The following CNTN3 variants were observed in gnomAD, a reference collection of about 807,000 sequenced individuals.
CNTN3 encodes the protein contactin 3.
In CNTN3, 60 loss-of-function variants were observed where a neutral mutation model predicts 119.1. The observed-to-expected ratio is 0.50, with a 90% CI of 0.41 to 0.62. The LOEUF is 0.62. Among genes scored for constraint, CNTN3 ranks in the 20% least tolerant of loss-of-function variants. The pLI is 0.00. For synonymous variants in CNTN3, 450 were observed against 438.7 expected (o/e 1.03, Z -0.32); for missense variants, 1,101 against 1,242.4 (o/e 0.89, Z 1.71).
intron 13 of CNTN3, among the ~76,000 whole-genome samples, chr3:74,305,282 G>A (rs1301156622): frequency 6.6e-6 from 1 of 152,166 alleles, no homozygotes; most frequent in Non-Finnish European, 1.5e-5. Context: ...TGAAGATGTG[G>A]AACTGGAACT....
chr3:74,591,901 A>C lies in CNTN3; in HGVS notation c.-81+22490T>G, dbSNP rs192685532. 8.5e-5 allele frequency among the ~76,000 whole-genome samples: 13 copies of C among 152,056 alleles called. No individual in the cohort carries two copies. In the East Asian group the frequency reaches 2.3e-3, roughly 27 times the overall value. ...AAGACAGGATAGATAATCAGGACAC[A>C]GAAGCACCAGAGATGTAGAGAGGAT... On this transcript the variant is annotated intron_variant, in intron 1 of 22. Transcript: ENST00000263665.
chr3:74,403,664 G>C (rs751514797), intron 5 of CNTN3, among the ~76,000 whole-genome samples: 1 of 152,074 alleles, frequency 6.6e-6, no homozygotes, highest in South Asian at 2.1e-4. Flanking sequence ...AAATTTTTAA[G>C]AGCTCATCCT....
intron 2 of CNTN3, among the ~76,000 whole-genome samples, chr3:74,508,236 C>T (rs1044687243): frequency 2.0e-5 from 3 of 152,162 alleles, no homozygotes; most frequent in Non-Finnish European, 4.4e-5. Flanking sequence ...CGGCTCTTCT[C>T]CTTCCTGACA....
intron 5 of CNTN3, among the ~76,000 whole-genome samples, chr3:74,394,850 C>T (rs1440924483): frequency 6.6e-6 from 1 of 151,966 alleles, no homozygotes; most frequent in Non-Finnish European, 1.5e-5. Context: ...TGTTATTATG[C>T]TGTGAAGATA....
chr3:74,493,871 A>T (rs1035951648), intron 3 of CNTN3, among the ~76,000 whole-genome samples: 3 of 152,114 alleles, frequency 2.0e-5, no homozygotes, highest in Non-Finnish European at 1.5e-5. Flanking sequence ...CTGTTTTTTT[A>T]AAAAATTGAA....
intron 11 of CNTN3, among the ~76,000 whole-genome samples, chr3:74,343,513 C>T (rs1559555668): frequency 6.6e-6 from 1 of 152,208 alleles, no homozygotes; most frequent in Non-Finnish European, 1.5e-5. Flanking sequence ...AAGATACCTG[C>T]ATTTTATGCA....
intron 13 of CNTN3, among the ~76,000 whole-genome samples, chr3:74,317,026 T>C (rs1702847104): frequency 6.6e-6 from 1 of 151,760 alleles, no homozygotes; most frequent in Admixed American, 6.6e-5. Context: ...GCTCCTGTAT[T>C]GGGTGCATAT....
chr3:74,568,304 A>G (rs1302251943), intron 1 of CNTN3, among the ~76,000 whole-genome samples: 3 of 152,212 alleles, frequency 2.0e-5, no homozygotes, highest in Admixed American at 6.5e-5. Flanking sequence ...CAGCACATGT[A>G]TATGTGTTTG....
At chr3:74,439,102 T>C (rs974891691) in intron 4 of CNTN3, among the ~76,000 whole-genome samples, 1 of 152,170 alleles carries the variant, frequency 6.6e-6, no homozygotes, top group Non-Finnish European at 1.5e-5. Flanking sequence ...TTGATTTTCA[T>C]CAAAATAAGA....
intron 4 of CNTN3, among the ~76,000 whole-genome samples, chr3:74,434,840 C>G (rs1701840022): frequency 6.6e-6 from 1 of 152,172 alleles, no homozygotes; most frequent in Non-Finnish European, 1.5e-5. Context: ...AAGATCCTAC[C>G]ACTGTGTATA....
At chr3:74,349,744 G>A (rs1703772130) in intron 11 of CNTN3, among the ~76,000 whole-genome samples, 1 of 152,212 alleles carries the variant, frequency 6.6e-6, no homozygotes, top group South Asian at 2.1e-4. Context: ...TCAAGTGAGA[G>A]CAGGGAAACA....
chr3:74,301,883 C>CCAT, intron 14 of CNTN3, 78 bp from the exon 15 acceptor site: 1 of 1,465,088 alleles, frequency 6.8e-7, no homozygotes, highest in Non-Finnish European at 9.4e-7. Flanking sequence ...AAGAGAATGT[C>CCAT]ACATGACCAC....
At chr3:74,278,414 A>G (rs1701924763) in intron 20 of CNTN3, among the ~76,000 whole-genome samples, 1 of 152,198 alleles carries the variant, frequency 6.6e-6, no homozygotes, top group Non-Finnish European at 1.5e-5. Context: ...GTAGGAGCAT[A>G]GACCAATGGA....
intron 1 of CNTN3, among the ~76,000 whole-genome samples, chr3:74,593,878 A>G (rs770637115): frequency 1.3e-5 from 2 of 151,920 alleles, no homozygotes; most frequent in East Asian, 1.9e-4. Context: ...TCTTCTCCCA[A>G]TACTCTCCCA....
intron 5 of CNTN3, among the ~76,000 whole-genome samples, chr3:74,385,146 T>G (rs897028725): frequency 1.3e-5 from 2 of 152,194 alleles, no homozygotes; most frequent in African/African-American, 4.8e-5. Flanking sequence ...TAGAGAAGGA[T>G]TTTTCAAATT....
At chr3:74,345,167 A>C (rs1703661310) in intron 11 of CNTN3, among the ~76,000 whole-genome samples, 1 of 152,128 alleles carries the variant, frequency 6.6e-6, no homozygotes, top group African/African-American at 2.4e-5. Flanking sequence ...CTGGGTCTTG[A>C]GTCACACATT....
chr3:74,427,271 A>T (rs1179841610), intron 4 of CNTN3, among the ~76,000 whole-genome samples: 3 of 152,198 alleles, frequency 2.0e-5, no homozygotes, highest in Non-Finnish European at 4.4e-5. Context: ...AAGTACACAG[A>T]GGACTGCATA....
rs147953641 is a variant in CNTN3, at chr3:74,535,591, G to T, written c.-80-14399C>A. On this transcript the variant is annotated intron_variant, in intron 1 of 22. Coordinates refer to ENST00000263665, the MANE Select transcript of CNTN3 (RefSeq NM_020872.3). ...GAGGGTGGAGACTGAGAACAGGAGTGTGTGAGCACATCCAACTCAGCCTTG... is the reference window on the plus strand; with the variant it reads ...GAGGGTGGAGACTGAGAACAGGAGTTTGTGAGCACATCCAACTCAGCCTTG... 2.4e-3 allele frequency among the ~76,000 whole-genome samples: 361 copies of T among 152,210 alleles called. 4 individuals carry two copies. The highest frequency in any genetic ancestry group is 8.1e-3 in the African/African-American group (337 of 41,552).
At chr3:74,378,570 C>T (rs974761743) in intron 5 of CNTN3, among the ~76,000 whole-genome samples, 1 of 152,186 alleles carries the variant, frequency 6.6e-6, no homozygotes, top group Non-Finnish European at 1.5e-5. Flanking sequence ...AGGGCTGGTT[C>T]TAGGCCACAG....
Sources: gnomAD v4.1 joint callset for allele counts (sites outside exome capture counted in the v4.1 genomes callset) on GRCh38, gnomAD v4.1.1 for gene constraint, MANE v1.5 for transcripts, NCBI Gene and HGNC (gene_info 2026-07-23, HGNC 2026-07-21) for gene names.